Variants in RRAS observed in about 807,000 individuals in gnomAD.
RRAS encodes RAS related.
Under a neutral mutation model 23.3 loss-of-function variants are expected in RRAS, and 18 were observed. The ratio of observed to expected loss-of-function variants is 0.77; its 90% CI spans 0.53 to 1.15. RRAS has a LOEUF of 1.15. Among genes scored for constraint, RRAS ranks in the 50% most tolerant of loss-of-function variants. The pLI is 0.00. For missense variants in RRAS, 291 were observed against 317.1 expected (o/e 0.92, Z 0.62); for synonymous variants, 133 against 138.3 (o/e 0.96, Z 0.27).
rs767030200 is a variant in RRAS, at chr19:49,636,573, C to A, written c.453+46G>T. The A allele has an allele frequency of 1.5e-6, 2 of 1,358,294 alleles. No homozygotes were observed. The highest frequency in any genetic ancestry group is 1.4e-5 in the African/African-American group (1 of 69,992). The allele number at this position is 1,358,294 out of a possible 1,614,324, so 84.1% of individuals were successfully genotyped here. ...TGGGGGACAGGTGTGCTGGAAGGAG[C>A]CTCCCAGACTGAGATGGGGTCCCCA... is the stretch of plus-strand genomic sequence containing the variant. On this transcript the variant is annotated intron_variant, in intron 4 of 5. Transcript: ENST00000246792. This position sits in a 1 kb window ranked among gnomAD's most constrained non-coding sequence, Gnocchi z 4.5.
In RRAS at chr19:49,636,818, T is replaced by A. The variant is rs764651598; in HGVS notation, c.344+6A>T. 2 of 1,612,318 alleles carry A rather than the reference T, an allele frequency of 1.2e-6. No homozygotes were observed. The highest frequency in any genetic ancestry group is 1.7e-6 in the Non-Finnish European group (2 of 1,179,286). On this transcript the variant is annotated splice_donor_region_variant and intron_variant, in intron 3 of 5. Transcript: ENST00000246792. The surrounding 1 kb of genome is among the most constrained non-coding windows in gnomAD (Gnocchi z 4.5). ...CCACTGCTCCGCCACCAGCAACCCC[T>A]GTCACCTCTGCCGGTCGTTAATGGC...
Position 49,636,759 on chromosome 19 carries a change from C to T in RRAS, c.345-32G>A. The T allele has an allele frequency of 6.2e-7, 1 of 1,610,178 alleles. No homozygotes were observed. ...GTGAAGCCGGAGGCATGAGGTCCAG[C>T]CAGCTGCAGAGCCCAGGTCCTCCCC... On this transcript the variant is annotated intron_variant, in intron 3 of 5. Transcript: ENST00000246792. This position sits in a 1 kb window ranked among gnomAD's most constrained non-coding sequence, Gnocchi z 4.5.
Position 49,636,553 on chromosome 19 carries a change from G to C in RRAS, c.453+66C>G. 1 of 1,093,430 alleles carries C rather than the reference G, an allele frequency of 9.1e-7. No homozygotes were observed. Among genetic ancestry groups the C allele is most frequent in the Admixed American group, 1.7e-5 (1 of 59,262 alleles). The allele number at this position is 1,093,430 out of a possible 1,614,324, so 67.7% of individuals were successfully genotyped here. The stretch of plus-strand genomic sequence containing the variant: ...GGAACAGAGGAGGATGCTGATGGGG[G>C]ACAGGTGTGCTGGAAGGAGCCTCCC... On this transcript the variant is annotated intron_variant, in intron 4 of 5. Transcript: ENST00000246792. The surrounding 1 kb of genome is among the most constrained non-coding windows in gnomAD (Gnocchi z 4.5).
chr19:49,635,831 C>T lies in RRAS; in HGVS notation c.475G>A (p.Ala159Thr). The T allele has an allele frequency of 6.4e-7, 1 of 1,551,212 alleles. No individual in the cohort carries two copies. The highest frequency in any genetic ancestry group is 8.8e-7 in the Non-Finnish European group (1 of 1,139,094). The part of the protein sequence containing the change: ...QRQVPRSEAS[A>T]FGASHHVAYF... Reference sequence around the variant, plus strand: ...GCCACGTGGTGGGAGGCGCCGAAGGCAGAGGCTTCTGATCGGGGGACCTGG... The same window carrying T: ...GCCACGTGGTGGGAGGCGCCGAAGGTAGAGGCTTCTGATCGGGGGACCTGG... The change falls in exon 5 of 6, where the codon GCC becomes ACC. Residue 159 changes from alanine (A) to threonine (T), a missense_variant. By Grantham distance (58) the Ala-to-Thr change is moderately conservative. Transcript: ENST00000246792.
Position 49,635,870 on chromosome 19 carries a change from A to T in RRAS, c.454-18T>A. 4 of 523,830 alleles carry T rather than the reference A, an allele frequency of 7.6e-6. No homozygotes were observed. Among genetic ancestry groups the T allele is most frequent in the Non-Finnish European group, 1.5e-5 (4 of 271,536 alleles). The allele number at this position is 523,830 out of a possible 1,614,324, so 32.4% of individuals were successfully genotyped here. A position where few individuals can be genotyped will look rare whatever the true frequency, so the allele number is the denominator to read the frequency against. Reference sequence around the variant, plus strand: ...CGGGGGACCTGGGGGTAGGGGGGACACGGGGGAGTCAGGTCCCTGCACTCA... The same window carrying T: ...CGGGGGACCTGGGGGTAGGGGGGACTCGGGGGAGTCAGGTCCCTGCACTCA... On this transcript the variant is annotated intron_variant, in intron 4 of 5. Transcript: ENST00000246792.
chr19:49,637,568 C>T (rs1162350759), intron 1 of RRAS, among the ~76,000 whole-genome samples: 2 of 151,748 alleles, frequency 1.3e-5, no homozygotes, highest in Non-Finnish European at 2.9e-5. Flanking sequence ...CTGGGTCTCC[C>T]AAAGTGCTGG....
chr19:49,638,409 A>G (rs1306859375), intron 1 of RRAS, among the ~76,000 whole-genome samples: 1 of 152,156 alleles, frequency 6.6e-6, no homozygotes, highest in African/African-American at 2.4e-5. Context: ...TGTCAGGCCA[A>G]GACACTTTTC....
rs549781507 is a variant in RRAS at position 49,636,444 on chromosome 19, C to T, written c.453+175G>A. On this transcript the variant is annotated intron_variant, in intron 4 of 5. Transcript: ENST00000246792. The surrounding 1 kb of genome is among the most constrained non-coding windows in gnomAD (Gnocchi z 4.5). ...ACACTTGCATGCTAGGCCCTCTGCTCGGTGATGCCGGGGACCCTGAAGGTC... is the reference window on the plus strand; with the variant it reads ...ACACTTGCATGCTAGGCCCTCTGCTTGGTGATGCCGGGGACCCTGAAGGTC... Among the ~76,000 whole-genome samples, 1 of 152,080 alleles carries T rather than the reference C, an allele frequency of 6.6e-6. No homozygotes were observed. Among genetic ancestry groups the T allele is most frequent in the Non-Finnish European group, 1.5e-5 (1 of 68,006 alleles).
At position 49,635,423 on chromosome 19, in the gene RRAS, C is replaced by A; in HGVS notation, c.*153G>T. 2.2e-6 allele frequency: 1 copy of A among 451,716 alleles called. No homozygotes were observed. The allele number at this position is 451,716 out of a possible 1,614,324, so 28.0% of individuals were successfully genotyped here. A position where few individuals can be genotyped will look rare whatever the true frequency, so the allele number is the denominator to read the frequency against. On this transcript the variant is annotated 3_prime_UTR_variant, in exon 6 of 6. Transcript: ENST00000246792. ...CAGAAGGCACACAGTGGCAGTAGCC[C>A]AGAAGAGGCCAGGAAGTAAGGGTGG...
In RRAS at chr19:49,636,960, C is replaced by T. The variant is rs1249054307; in HGVS notation, c.242-34G>A. The stretch of plus-strand genomic sequence containing the variant: ...ACAGGGAGAGGGGCCATCGTGGGGA[C>T]CAGGCTCCCCGCAGTCACCCCCAAG... On this transcript the variant is annotated intron_variant, in intron 2 of 5. Coordinates refer to ENST00000246792, the MANE Select transcript of RRAS (RefSeq NM_006270.5). This position sits in a 1 kb window ranked among gnomAD's most constrained non-coding sequence, Gnocchi z 4.5. 3 of 1,608,498 alleles carry T rather than the reference C, an allele frequency of 1.9e-6. No individual in the cohort carries two copies. Among genetic ancestry groups the T allele is most frequent in the African/African-American group, 2.7e-5 (2 of 74,822 alleles).
intron 5 of RRAS, 37 bp from the exon 6 acceptor site, chr19:49,635,697 C>G: frequency 6.5e-7 from 1 of 1,531,082 alleles, no homozygotes; most frequent in Non-Finnish European, 8.9e-7. Flanking sequence ...AGTGGAAGGG[C>G]TGGGGACAAG....
In RRAS at chr19:49,636,816, CCT is replaced by C. The variant is rs755223611; in HGVS notation, c.344+6_344+7del. On this transcript the variant is annotated splice_donor_region_variant and intron_variant, in intron 3 of 5. Coordinates refer to ENST00000246792, the MANE Select transcript of RRAS (RefSeq NM_006270.5). This position sits in a 1 kb window ranked among gnomAD's most constrained non-coding sequence, Gnocchi z 4.5. The stretch of plus-strand genomic sequence containing the variant: ...ACCCACTGCTCCGCCACCAGCAACC[CCT>C]GTCACCTCTGCCGGTCGTTAATGGC... 1.2e-4 allele frequency: 189 copies of C among 1,612,542 alleles called. No homozygotes were observed. Among genetic ancestry groups the C allele is most frequent in the Middle Eastern group, 1.6e-4 (1 of 6,084 alleles).
rs981608440 is a variant in RRAS, at chr19:49,640,075, C to T, written c.24G>A (p.Gly8=). ...CGCCCCGGGGCCGCCCCCGCCCTGTCCCGGACGCCGCCCCGCTGCTCATGT... is the reference window on the plus strand; with the variant it reads ...CGCCCCGGGGCCGCCCCCGCCCTGTTCCGGACGCCGCCCCGCTGCTCATGT... The part of the protein sequence containing the change: MSSGAAS[G]TGRGRPRGGG... The change falls in exon 1 of 6, where the codon GGG becomes GGA. Residue 8 remains glycine (G), a synonymous_variant. Transcript: ENST00000246792. 10 of 1,414,312 alleles carry T rather than the reference C, an allele frequency of 7.1e-6. No homozygotes were observed. The highest frequency in any genetic ancestry group is 9.1e-6 in the Non-Finnish European group (10 of 1,097,754). The allele number at this position is 1,414,312 out of a possible 1,614,324, so 87.6% of individuals were successfully genotyped here.
Position 49,636,860 on chromosome 19 carries a change from C to T in RRAS, c.308G>A (p.Gly103Asp). The part of the protein sequence containing the change: ...MREQYMRAGH[G>D]FLLVFAINDR... The stretch of plus-strand genomic sequence containing the variant: ...GTTAATGGCGAACACCAGCAGGAAG[C>T]CGTGGCCAGCACGCATGTACTGCTC... Residue 103 changes from glycine to aspartate, a missense_variant, in exon 3 of 6, where the codon GGC becomes GAC. Gly to Asp is a moderately conservative substitution (Grantham distance 94). Transcript: ENST00000246792. The surrounding 1 kb of genome is among the most constrained non-coding windows in gnomAD (Gnocchi z 4.5). 6.2e-7 allele frequency: 1 copy of T among 1,613,344 alleles called. No individual in the cohort carries two copies. Among genetic ancestry groups the T allele is most frequent in the Non-Finnish European group, 8.5e-7 (1 of 1,180,014 alleles).
chr19:49,635,715 G>A lies in RRAS; in HGVS notation c.572+19C>T. On this transcript the variant is annotated intron_variant, in intron 5 of 5. Transcript: ENST00000246792. ...GGAAGGGCTGGGGACAAGGACGACA[G>A]GAAGGGGACTTGGCTCACCGGACAG... 1 of 1,553,706 alleles carries A rather than the reference G, an allele frequency of 6.4e-7. No homozygotes were observed. Among genetic ancestry groups the A allele is most frequent in the Non-Finnish European group, 8.8e-7 (1 of 1,136,916 alleles).
chr19:49,635,599 C>A lies in RRAS; in HGVS notation c.634G>T (p.Gly212Cys). 6.9e-7 allele frequency: 1 copy of A among 1,452,420 alleles called. No individual in the cohort carries two copies. The highest frequency in any genetic ancestry group is 9.1e-7 in the Non-Finnish European group (1 of 1,094,594). The allele number at this position is 1,452,420 out of a possible 1,614,324, so 90.0% of individuals were successfully genotyped here. A position where few individuals can be genotyped will look rare whatever the true frequency, so the allele number is the denominator to read the frequency against. Residue 212 changes from glycine to cysteine, a missense_variant, in exon 6 of 6, where the codon GGC (glycine) becomes TGC (cysteine). By Grantham distance (159) the Gly-to-Cys change is radical. Transcript: ENST00000246792. ...PPSAPRKKGG[G>C]CPCVLL is the part of the protein sequence containing the mutation. ...GGCTACAGGAGGACGCAGGGGCAGC[C>A]CCCGCCCTTCTTCCTGGGGGCACTG...
At chr19:49,639,321 A>G (rs2081011267) in intron 1 of RRAS, among the ~76,000 whole-genome samples, 1 of 151,466 alleles carries the variant, frequency 6.6e-6, no homozygotes, top group Admixed American at 6.6e-5. Context: ...GCTACTTGGG[A>G]GGCTGAGGCA....
intron 1 of RRAS, among the ~76,000 whole-genome samples, chr19:49,638,956 G>T (rs1027715053): frequency 1.3e-5 from 2 of 152,018 alleles, no homozygotes; most frequent in African/African-American, 4.8e-5. Flanking sequence ...CTCCGGGAAT[G>T]GGGGATTGTC....
chr19:49,635,575 G>T lies in RRAS; in HGVS notation c.*1C>A. On this transcript the variant is annotated 3_prime_UTR_variant, in exon 6 of 6. Transcript: ENST00000246792. Reference sequence around the variant, plus strand: ...TGGTGGTTGCTTCTCTCTTGCCTGGGCTACAGGAGGACGCAGGGGCAGCCC... The same window carrying T: ...TGGTGGTTGCTTCTCTCTTGCCTGGTCTACAGGAGGACGCAGGGGCAGCCC... The T allele has an allele frequency of 2.1e-6, 3 of 1,437,140 alleles. No individual in the cohort carries two copies. Among genetic ancestry groups the T allele is most frequent in the Non-Finnish European group, 2.8e-6 (3 of 1,086,498 alleles). 89.0% of individuals were successfully genotyped at this position (1,437,140 alleles called of 1,614,324 possible). A position where few individuals can be genotyped will look rare whatever the true frequency, so the allele number is the denominator to read the frequency against.
Sources: gnomAD v4.1 joint callset for allele counts (sites outside exome capture counted in the v4.1 genomes callset) on GRCh38, gnomAD v4.1.1 for gene constraint, Gnocchi (gnomAD v3.1) non-coding constraint, MANE v1.5 for transcripts, NCBI Gene and HGNC (gene_info 2026-07-23, HGNC 2026-07-21) for gene names.